CCDC138: variants seen among roughly 807,000 people sequenced by gnomAD.
The protein encoded by CCDC138 is coiled-coil domain containing 138, also known as coiled-coil domain-containing protein 138.
A neutral mutation model predicts 82.3 loss-of-function variants in CCDC138; 66 were observed. The observed-to-expected ratio is 0.80, with a 90% confidence interval of 0.66 to 0.98. The LOEUF is 0.98. Ranked by LOEUF, CCDC138 falls within the 50% of genes least tolerant of loss-of-function variation. The probability of loss-of-function intolerance (pLI) is 0.00; values close to 1 mark genes in which losing one functional copy is unlikely to be tolerated. For synonymous variants in CCDC138, 297 were observed against 265.4 expected (o/e 1.12, Z -1.16); for missense variants, 816 against 758.9 (o/e 1.08, Z -0.88).
intron 4 of CCDC138, 99 bp from the exon 5 acceptor site, chr2:108,794,441 T>C (rs553210691): frequency 2.5e-5 from 27 of 1,080,572 alleles, no homozygotes; most frequent in African/African-American, 9.6e-5. Context: ...TTTAATGTTA[T>C]ATTTTGTACT....
At chr2:108,799,241 A>G (rs1338022976) in intron 6 of CCDC138, among the ~76,000 whole-genome samples, 1 of 152,190 alleles carries the variant, frequency 6.6e-6, no homozygotes, top group African/African-American at 2.4e-5. Flanking sequence ...TGTAGACAAA[A>G]TATTTTTGGC....
At chr2:108,874,005 A>G (rs945231940) in intron 14 of CCDC138, among the ~76,000 whole-genome samples, 14 of 152,208 alleles carry the variant, frequency 9.2e-5, no homozygotes, top group African/African-American at 3.4e-4. Context: ...GACTAGAATT[A>G]GAGTTCTGAT....
chr2:108,792,750 T>C (rs1335398976), intron 4 of CCDC138, among the ~76,000 whole-genome samples: 1 of 152,204 alleles, frequency 6.6e-6, no homozygotes, highest in African/African-American at 2.4e-5. Context: ...GGGGCTTCCA[T>C]GAGTCTAGTG....
intron 7 of CCDC138, among the ~76,000 whole-genome samples, chr2:108,810,383 T>C (rs1281440312): frequency 1.3e-5 from 2 of 152,246 alleles, no homozygotes; most frequent in Non-Finnish European, 2.9e-5. Flanking sequence ...CAAATACTTT[T>C]TCTGTGTCTA....
intron 7 of CCDC138, among the ~76,000 whole-genome samples, chr2:108,810,359 T>A (rs1287463230): frequency 6.6e-6 from 1 of 152,176 alleles, no homozygotes; most frequent in Admixed American, 6.6e-5. Context: ...TGAAGAGATG[T>A]TGTTGAATTT....
At chr2:108,846,953 G>A (rs374362004) in intron 12 of CCDC138, 23 bp downstream of exon 12, 1 of 1,309,092 alleles carries the variant, frequency 7.6e-7, no homozygotes, top group Non-Finnish European at 1.1e-6. Flanking sequence ...TTGTACTTAT[G>A]GTTAATTTTG....
intron 10 of CCDC138, among the ~76,000 whole-genome samples, chr2:108,825,786 T>C (rs1006593209): frequency 2.0e-5 from 3 of 152,194 alleles, no homozygotes; most frequent in Non-Finnish European, 4.4e-5. Context: ...TGTATGCACA[T>C]ATTTTTTCAT....
chr2:108,864,969 A>G (rs1335351003), intron 13 of CCDC138, among the ~76,000 whole-genome samples: 1 of 152,122 alleles, frequency 6.6e-6, no homozygotes, highest in Non-Finnish European at 1.5e-5. Context: ...AAGAAAATAA[A>G]TAAATAGTAA....
Position 108,873,467 on chromosome 2 carries a change from C to G in CCDC138, c.1710C>G (p.Phe570Leu). 2 of 1,599,428 alleles carry G rather than the reference C, an allele frequency of 1.3e-6. No homozygotes were observed. Among genetic ancestry groups the G allele is most frequent in the Non-Finnish European group, 1.7e-6 (2 of 1,173,900 alleles). Reference protein sequence around the residue: ...MTVESKSLQPFLEACSNSLFF... With the variant: ...MTVESKSLQPLLEACSNSLFF... The stretch of plus-strand genomic sequence containing the variant: ...GTTTTGCAGAATCCTTGCAGCCTTT[C>G]CTGGAAGCCTGTAGCAACTCTTTAT... Residue 570 changes from phenylalanine (F) to leucine (L), a missense_variant, in exon 14 of 15, where the codon TTC (phenylalanine) becomes TTG (leucine). Phe to Leu is a conservative substitution (Grantham distance 22). Transcript: ENST00000295124.
intron 2 of CCDC138, chr2:108,883,027 G>A (rs974131441): frequency 6.6e-6 from 1 of 152,148 alleles, no homozygotes; most frequent in Non-Finnish European, 1.5e-5. Context: ...TAGGAGCATC[G>A]AGATTAAACA....
At chr2:108,791,632 T>C (rs770707787) in intron 3 of CCDC138, 43 bp from the exon 4 acceptor site, 8 of 1,583,588 alleles carry the variant, frequency 5.1e-6, no homozygotes, top group Non-Finnish European at 6.9e-6. Context: ...TAAAGTGCTA[T>C]AGTAAACTTC....
intron 7 of CCDC138, among the ~76,000 whole-genome samples, chr2:108,806,701 G>A (rs1178225051): frequency 6.6e-6 from 1 of 152,146 alleles, no homozygotes; most frequent in Non-Finnish European, 1.5e-5. Flanking sequence ...GCCAGCTCCT[G>A]GCTAGATGAA....
chr2:108,867,003 A>G lies in CCDC138; in HGVS notation c.1694-6448A>G, dbSNP rs144278294. Among the ~76,000 whole-genome samples, 738 of 152,234 alleles carry G rather than the reference A, an allele frequency of 4.8e-3. 11 individuals carry two copies. Among genetic ancestry groups the G allele is most frequent in the African/African-American group, 0.017 (705 of 41,538 alleles). On this transcript the variant is annotated intron_variant, in intron 13 of 14. Transcript: ENST00000295124. Reference sequence around the variant, plus strand: ...ATACATGTAAACAGATTATATTGTTATATTGTTTATGGTTATTTTTAGGTT... The same window carrying G: ...ATACATGTAAACAGATTATATTGTTGTATTGTTTATGGTTATTTTTAGGTT...
chr2:108,836,296 A>G (rs1250133065), intron 10 of CCDC138, among the ~76,000 whole-genome samples: 3 of 152,178 alleles, frequency 2.0e-5, no homozygotes, highest in Admixed American at 6.5e-5. Flanking sequence ...ACTTAGCATA[A>G]TATCCATAAG....
rs1377103913 is a variant in CCDC138 at position 108,853,970 on chromosome 2, A to T, written c.1517-2824A>T. 1.6e-4 allele frequency among the ~76,000 whole-genome samples: 17 copies of T among 106,704 alleles called. 1 individual carries two copies. Among genetic ancestry groups the T allele is most frequent in the African/African-American group, 6.4e-4 (17 of 26,752 alleles). The allele number at this position is 106,704 out of a possible 152,430, so 70.0% of individuals were successfully genotyped here. A position where few individuals can be genotyped will look rare whatever the true frequency, so the allele number is the denominator to read the frequency against. On this transcript the variant is annotated intron_variant, in intron 12 of 14. Transcript: ENST00000295124. ...ATACAATAAATATATATAATAAAAT[A>T]TATATAATATATAATATATAATAAA... is the stretch of plus-strand genomic sequence containing the variant.
chr2:108,813,834 T>C (rs1317482209), intron 9 of CCDC138, among the ~76,000 whole-genome samples: 1 of 152,222 alleles, frequency 6.6e-6, no homozygotes, highest in Non-Finnish European at 1.5e-5. Context: ...TAGTTTTGCC[T>C]GTTTGAGACA....
chr2:108,862,538 G>T (rs1558754105), intron 13 of CCDC138, among the ~76,000 whole-genome samples: 1 of 152,154 alleles, frequency 6.6e-6, no homozygotes. Flanking sequence ...ATTGCTAACA[G>T]AGTACATTTT....
At chr2:108,823,328 A>G (rs534335834) in intron 10 of CCDC138, among the ~76,000 whole-genome samples, 18 of 152,342 alleles carry the variant, frequency 1.2e-4, no homozygotes, top group Admixed American at 1.1e-3. Flanking sequence ...CTAGACAAAG[A>G]CGCAATAAAA....
In CCDC138 at chr2:108,843,865, TGTGTGTGTGTG is replaced by T. The variant is rs1345761215; in HGVS notation, c.1324-2872_1324-2862del. 8.5e-5 allele frequency among the ~76,000 whole-genome samples: 12 copies of T among 140,592 alleles called. 1 individual carries two copies. Among genetic ancestry groups the T allele is most frequent in the African/African-American group, 1.1e-4 (4 of 36,726 alleles). 92.2% of individuals were successfully genotyped at this position (140,592 alleles called of 152,430 possible). ...TGTTTTGTGTGTGTGTGTGTGTGTG[TGTGTGTGTGTG>T]TGTTTCTTTCTTTTTTTTTTTTTTT... On this transcript the variant is annotated intron_variant, in intron 11 of 14. Transcript: ENST00000295124.
Sources: gnomAD v4.1 joint callset for allele counts (sites outside exome capture counted in the v4.1 genomes callset) on GRCh38, gnomAD v4.1.1 for gene constraint, MANE v1.5 for transcripts, NCBI Gene and HGNC (gene_info 2026-07-23, HGNC 2026-07-21) for gene names.